The following MOCOS variants were observed in gnomAD, a reference collection of about 807,000 sequenced individuals.
The protein encoded by MOCOS is molybdenum cofactor sulfurase.
MOCOS carries 86 observed loss-of-function variants against 83.6 expected under a neutral mutation model. That is an observed-to-expected ratio of 1.03 (90% CI 0.86 to 1.23). The LOEUF (loss-of-function observed/expected upper bound fraction) is 1.23. MOCOS is among the 50% of genes most tolerant of loss of function. MOCOS has a pLI of 0.00. For missense variants in MOCOS, 1,120 were observed against 1,126.9 expected (o/e 0.99, Z 0.09); for synonymous variants, 445 against 434.7 (o/e 1.02, Z -0.29).
At chr18:36,246,670 A>T (rs1444828997) in intron 9 of MOCOS, among the ~76,000 whole-genome samples, 2 of 152,208 alleles carry the variant, frequency 1.3e-5, no homozygotes, top group African/African-American at 4.8e-5. Context: ...TGTCACATGG[A>T]CAGACTCAGG....
At position 36,267,044 on chromosome 18, in the gene MOCOS, C is replaced by CT. The variant is rs35874544; in HGVS notation, c.2514+199dup. Among the ~76,000 whole-genome samples, 49,902 of 151,736 alleles carry CT rather than the reference C, an allele frequency of 0.33. 8,433 individuals carry two copies. The highest frequency in any genetic ancestry group is 0.41 in the Admixed American group (6,285 of 15,242). On this transcript the variant is annotated intron_variant, in intron 14 of 14. Coordinates refer to ENST00000261326, the MANE Select transcript of MOCOS (RefSeq NM_017947.4). ...TTTTTCCTTTCCATCCAAGTTCTCA[C>CT]TTTTTTTTGTTTTACTTCATGTATT...
At position 36,251,274 on chromosome 18, in the gene MOCOS, C is replaced by G; in HGVS notation, c.2155C>G (p.His719Asp). Residue 719 changes from histidine (H) to aspartate (D), a missense_variant, in exon 11 of 15, where the codon CAT becomes GAT. Transcript: ENST00000261326. ...SNSQRNAKKK[H>D]GKDQLPGTMA... The stretch of plus-strand genomic sequence containing the variant: ...CTCTCAAAGGAATGCAAAGAAGAAA[C>G]ATGGAAAAGGTATTACATTTTGAAT... 1 of 1,614,030 alleles carries G rather than the reference C, an allele frequency of 6.2e-7. No homozygotes were observed.
At chr18:36,207,790 T>C (rs2144908907) in intron 6 of MOCOS, among the ~76,000 whole-genome samples, 1 of 152,212 alleles carries the variant, frequency 6.6e-6, no homozygotes, top group South Asian at 2.1e-4. Context: ...CAATGTTCAT[T>C]AGTTTAGTTA....
chr18:36,264,316 G>C (rs928503883), intron 13 of MOCOS, among the ~76,000 whole-genome samples: 3 of 152,190 alleles, frequency 2.0e-5, no homozygotes, highest in African/African-American at 7.2e-5. Context: ...TCGGGTGGCT[G>C]CTAGAGGCTG....
At chr18:36,265,276 A>G (rs963939278) in intron 13 of MOCOS, among the ~76,000 whole-genome samples, 1 of 152,214 alleles carries the variant, frequency 6.6e-6, no homozygotes, top group Admixed American at 6.5e-5. Context: ...GACATGGAGG[A>G]ATTTCTTGTG....
rs555145311 is a variant in MOCOS at position 36,193,317 on chromosome 18, C to CAAAAAAAAAAAA, written c.143-1913_143-1902dup. 1.8e-4 allele frequency among the ~76,000 whole-genome samples: 7 copies of CAAAAAAAAAAAA among 38,308 alleles called. 1 individual carries two copies. Among genetic ancestry groups the CAAAAAAAAAAAA allele is most frequent in the South Asian group, 1.3e-3 (1 of 766 alleles). 25.1% of individuals were successfully genotyped at this position (38,308 alleles called of 152,430 possible). On this transcript the variant is annotated intron_variant, in intron 1 of 14. Transcript: ENST00000261326. The stretch of plus-strand genomic sequence containing the variant: ...TGGGCGACAGAGCGAGACTCCGTCT[C>CAAAAAAAAAAAA]AAAAAAAAAAAAAAAAAAAAAAAAA...
At chr18:36,222,253 G>T (rs2144923976) in intron 9 of MOCOS, among the ~76,000 whole-genome samples, 1 of 152,336 alleles carries the variant, frequency 6.6e-6, no homozygotes, top group South Asian at 2.1e-4. Flanking sequence ...GTACCCAGAA[G>T]TGGGATCACT....
chr18:36,234,264 C>T (rs1400257769), intron 9 of MOCOS, among the ~76,000 whole-genome samples: 1 of 152,154 alleles, frequency 6.6e-6, no homozygotes, highest in Non-Finnish European at 1.5e-5. Context: ...GGCCAGTTAT[C>T]CCAGCACCAT....
chr18:36,256,885 T>TAA, intron 11 of MOCOS, 83 bp from the exon 12 acceptor site: 1 of 1,238,258 alleles, frequency 8.1e-7, no homozygotes, highest in East Asian at 2.3e-5. Context: ...CTCTACCTTT[T>TAA]AAAAAAATAC....
intron 9 of MOCOS, among the ~76,000 whole-genome samples, chr18:36,227,795 A>C (rs2144929208): frequency 6.6e-6 from 1 of 152,346 alleles, no homozygotes; most frequent in African/African-American, 2.4e-5. Flanking sequence ...TTCATAGTGA[A>C]GACAGCAAAA....
Position 36,268,643 on chromosome 18 carries a change from T to A in MOCOS, c.2625T>A (p.His875Gln). 6.2e-7 allele frequency: 1 copy of A among 1,614,134 alleles called. No individual in the cohort carries two copies. Residue 875 changes from histidine (H) to glutamine (Q), a missense_variant, in exon 15 of 15, where the codon CAT becomes CAA. Coordinates refer to ENST00000261326, the MANE Select transcript of MOCOS (RefSeq NM_017947.4). ...TGTTGAAAGAGAATGTGGAAGGTCATGATTTACCTGCATCTGAGAAACACC... is the reference window on the plus strand; with the variant it reads ...TGTTGAAAGAGAATGTGGAAGGTCAAGATTTACCTGCATCTGAGAAACACC... ...LPVLKENVEG[H>Q]DLPASEKHQD...
rs2144167264 is a variant in MOCOS, at chr18:36,271,998, G to T, written c.*3313G>T. On this transcript the variant is annotated 3_prime_UTR_variant, in exon 15 of 15. Coordinates refer to ENST00000261326, the MANE Select transcript of MOCOS (RefSeq NM_017947.4). The stretch of plus-strand genomic sequence containing the variant: ...AACATTTATAGATCTCACTATAGAG[G>T]CATCACTAATTGGGGAAAGACAGAC... The T allele has an allele frequency of 6.6e-6, 1 of 152,292 alleles. No homozygotes were observed. Among genetic ancestry groups the T allele is most frequent in the African/African-American group, 2.4e-5 (1 of 41,560 alleles). 9.4% of individuals were successfully genotyped at this position (152,292 alleles called of 1,614,324 possible). A position where few individuals can be genotyped will look rare whatever the true frequency, so the allele number is the denominator to read the frequency against.
chr18:36,250,254 A>G (rs889900912), intron 10 of MOCOS, among the ~76,000 whole-genome samples: 1 of 152,346 alleles, frequency 6.6e-6, no homozygotes, highest in South Asian at 2.1e-4. Context: ...TGCACTCATT[A>G]GTGGGTAGGT....
At chr18:36,189,505 C>T (rs2091356726) in intron 1 of MOCOS, among the ~76,000 whole-genome samples, 1 of 152,146 alleles carries the variant, frequency 6.6e-6, no homozygotes, top group Non-Finnish European at 1.5e-5. Context: ...TCCTCCTCTC[C>T]CCTCATGAAG....
At chr18:36,249,058 G>C in intron 10 of MOCOS, 58 bp downstream of exon 10, 1 of 1,453,714 alleles carries the variant, frequency 6.9e-7, no homozygotes, top group Non-Finnish European at 9.6e-7. Flanking sequence ...CACAGAGGGG[G>C]AAGAGGGTAA....
At chr18:36,192,897 C>A (rs556276634) in intron 1 of MOCOS, among the ~76,000 whole-genome samples, 1 of 152,144 alleles carries the variant, frequency 6.6e-6, no homozygotes, top group African/African-American at 2.4e-5. Context: ...GATCCACTCA[C>A]CTCAGCTTCC....
intron 9 of MOCOS, among the ~76,000 whole-genome samples, chr18:36,248,433 T>C (rs1258807980): frequency 6.6e-6 from 1 of 152,226 alleles, no homozygotes; most frequent in African/African-American, 2.4e-5. Flanking sequence ...GTGCAGAAGC[T>C]TTTTAGTTTG....
chr18:36,194,942 A>G (rs1027185858), intron 1 of MOCOS, among the ~76,000 whole-genome samples: 3 of 152,194 alleles, frequency 2.0e-5, no homozygotes, highest in Admixed American at 1.3e-4. Context: ...GTGAGTGACA[A>G]TGTGAAACAG....
intron 1 of MOCOS, among the ~76,000 whole-genome samples, chr18:36,189,101 A>G (rs200553805): frequency 0.15 from 22,242 of 151,834 alleles, 1,817 homozygotes; most frequent in East Asian, 0.31. Flanking sequence ...AATCTCCTCC[A>G]GCTGTGATCT....
Sources: allele counts gnomAD v4.1 joint callset (sites outside exome capture counted in the v4.1 genomes callset), GRCh38; gene constraint gnomAD v4.1.1; transcripts MANE v1.5; gene names NCBI Gene and HGNC (gene_info 2026-07-23, HGNC 2026-07-21).